C12orf42: variants seen among roughly 807,000 people sequenced by gnomAD.
C12orf42 encodes chromosome 12 open reading frame 42.
C12orf42 carries 25 observed loss-of-function variants against 21.6 expected under a neutral mutation model. The ratio of observed to expected loss-of-function variants is 1.16; its 90% CI spans 0.84 to 1.62. The LOEUF (loss-of-function observed/expected upper bound fraction) is 1.62. C12orf42 is among the 40% of genes most tolerant of loss of function. The probability of loss-of-function intolerance (pLI) is 0.00; values close to 1 mark genes in which losing one functional copy is unlikely to be tolerated. For missense variants in C12orf42, 483 were observed against 459.3 expected (o/e 1.05, Z -0.47); for synonymous variants, 174 against 175.0 (o/e 0.99, Z 0.05).
At chr12:103,562,734 A>C in the C12orf42 span, among the ~76,000 whole-genome samples, 5 of 152,200 alleles carry the variant, frequency 3.3e-5, no homozygotes, top group African/African-American at 1.2e-4. Context: ...CAGCAAGCCC[A>C]CATCAGGGGG....
exon 7 of C12orf42, chr12:103,268,732 G>C (rs148034752): frequency 2.6e-5 from 4 of 152,238 alleles, no homozygotes; most frequent in Non-Finnish European, 4.4e-5. Context: ...TTAAGCTTTG[G>C]AGTGAGGCTG....
chr12:103,545,472 A>T, the C12orf42 span, among the ~76,000 whole-genome samples: 1 of 152,358 alleles, frequency 6.6e-6, no homozygotes, highest in Non-Finnish European at 1.5e-5. Context: ...TCACTTCAGA[A>T]TATCTAAGAA....
Position 103,306,355 on chromosome 12 carries a change from G to A in C12orf42, c.260-10C>T, listed in dbSNP as rs759492502. On this transcript the variant is annotated splice_polypyrimidine_tract_variant and intron_variant, in intron 4 of 5. Transcript: ENST00000548883. ...GTCCTTTCTGGAAATACTGTGAAAG[G>A]TAAATACATTCGTTTGAAAAATTCA... 7 of 1,581,112 alleles carry A rather than the reference G, an allele frequency of 4.4e-6. No homozygotes were observed. Among genetic ancestry groups the A allele is most frequent in the East Asian group, 2.3e-5 (1 of 44,398 alleles).
At chr12:103,385,709 A>G (rs1156533278) in intron 3 of C12orf42, among the ~76,000 whole-genome samples, 1 of 152,224 alleles carries the variant, frequency 6.6e-6, no homozygotes, top group Non-Finnish European at 1.5e-5. Context: ...TCAGATTTAT[A>G]TCTTAAAAAT....
At chr12:103,240,093 C>T (rs2033661409) in intron 10 of C12orf42, among the ~76,000 whole-genome samples, 1 of 152,150 alleles carries the variant, frequency 6.6e-6, no homozygotes, top group Non-Finnish European at 1.5e-5. Flanking sequence ...TAATATACTA[C>T]ATACAATAAA....
chr12:103,205,949 G>A, the C12orf42 span, among the ~76,000 whole-genome samples: 1 of 152,178 alleles, frequency 6.6e-6, no homozygotes, highest in African/African-American at 2.4e-5. Flanking sequence ...TGTGAATACT[G>A]TGGTTCCAGG....
At chr12:103,562,686 A>G in the C12orf42 span, among the ~76,000 whole-genome samples, 1 of 152,184 alleles carries the variant, frequency 6.6e-6, no homozygotes, top group Non-Finnish European at 1.5e-5. Context: ...TGTTTCAGGA[A>G]CTTTCTGAAA....
At chr12:103,331,023 T>C (rs1452790903) in intron 4 of C12orf42, among the ~76,000 whole-genome samples, 1 of 152,214 alleles carries the variant, frequency 6.6e-6, no homozygotes, top group East Asian at 1.9e-4. Flanking sequence ...CTTAATAAAA[T>C]AAACCAATTC....
intron 3 of C12orf42, among the ~76,000 whole-genome samples, chr12:103,382,642 A>C (rs1048958885): frequency 2.6e-5 from 4 of 152,220 alleles, no homozygotes; most frequent in African/African-American, 9.7e-5. Flanking sequence ...TGAAATAAAG[A>C]GCACGGTGCC....
At chr12:103,506,551 T>C in the C12orf42 span, among the ~76,000 whole-genome samples, 1 of 151,508 alleles carries the variant, frequency 6.6e-6, no homozygotes, top group Non-Finnish European at 1.5e-5. Flanking sequence ...CAATTGCCTA[T>C]AGTATTCAGT....
downstream of C12orf42, among the ~76,000 whole-genome samples, chr12:103,233,737 A>G (rs1321836647): frequency 6.6e-6 from 1 of 152,176 alleles, no homozygotes; most frequent in Non-Finnish European, 1.5e-5. Flanking sequence ...AACTTTACAG[A>G]TATTTTTACA....
chr12:103,128,389 G>A, the C12orf42 span, among the ~76,000 whole-genome samples: 1 of 152,220 alleles, frequency 6.6e-6, no homozygotes, highest in African/African-American at 2.4e-5. Flanking sequence ...TATATGGGGG[G>A]AGGGGGAGCA....
the C12orf42 span, among the ~76,000 whole-genome samples, chr12:103,058,681 T>A: frequency 6.6e-6 from 1 of 152,134 alleles, no homozygotes; most frequent in Non-Finnish European, 1.5e-5. Context: ...AGAAACTCAC[T>A]CAAACTGCAC....
chr12:103,104,331 C>G, the C12orf42 span, among the ~76,000 whole-genome samples: 1 of 152,194 alleles, frequency 6.6e-6, no homozygotes, highest in African/African-American at 2.4e-5. Flanking sequence ...TCAGCATAAA[C>G]AGCCAGAGTG....
At chr12:103,528,412 T>C in the C12orf42 span, among the ~76,000 whole-genome samples, 2 of 152,170 alleles carry the variant, frequency 1.3e-5, no homozygotes, top group Non-Finnish European at 2.9e-5. Flanking sequence ...CCTCTAAGTC[T>C]CATGTTGAAA....
At chr12:103,064,151 T>C in the C12orf42 span, among the ~76,000 whole-genome samples, 1 of 152,204 alleles carries the variant, frequency 6.6e-6, no homozygotes, top group Admixed American at 6.6e-5. Flanking sequence ...CCAGAAGATA[T>C]ACCCTTTACC....
At chr12:103,204,645 T>C in the C12orf42 span, among the ~76,000 whole-genome samples, 1 of 152,204 alleles carries the variant, frequency 6.6e-6, no homozygotes, top group African/African-American at 2.4e-5. Context: ...TAGCACAAGA[T>C]ATCGTCTCAT....
chr12:103,337,857 T>G (rs1201142615), intron 4 of C12orf42, among the ~76,000 whole-genome samples: 1 of 152,164 alleles, frequency 6.6e-6, no homozygotes, highest in Non-Finnish European at 1.5e-5. Flanking sequence ...TGTCTCCACT[T>G]ACCCACTTTT....
the C12orf42 span, among the ~76,000 whole-genome samples, chr12:103,532,209 G>T: frequency 0.73 from 110,617 of 152,058 alleles, 40,591 homozygotes; most frequent in South Asian, 0.83. Flanking sequence ...CTACACCCTG[G>T]GTATAAAAAG....
Sources: allele counts gnomAD v4.1 joint callset (sites outside exome capture counted in the v4.1 genomes callset), GRCh38; gene constraint gnomAD v4.1.1; transcripts MANE v1.5; gene names NCBI Gene and HGNC (gene_info 2026-07-23, HGNC 2026-07-21).